Variants in CDH23 observed in about 807,000 individuals in gnomAD.
CDH23 encodes cadherin related 23, also known as cadherin-23.
CDH23 carries 189 observed loss-of-function variants against 317.1 expected under a neutral mutation model. That is an observed-to-expected ratio of 0.60 (90% CI 0.53 to 0.67). The LOEUF (loss-of-function observed/expected upper bound fraction) is 0.67. CDH23 is among the 30% of genes least tolerant of loss of function. The pLI is 0.00. For synonymous variants in CDH23, 1,839 were observed against 1,876.8 expected (o/e 0.98, Z 0.52); for missense variants, 4,401 against 4,592.4 (o/e 0.96, Z 1.20).
At chr10:71,746,170 G>A (rs572077314) in intron 38 of CDH23, among the ~76,000 whole-genome samples, 4 of 152,334 alleles carry the variant, frequency 2.6e-5, no homozygotes, top group South Asian at 2.1e-4. Flanking sequence ...CTGTGATGTG[G>A]TAGAGTGCTA....
At chr10:71,787,185 C>A (rs9416005) in intron 44 of CDH23, among the ~76,000 whole-genome samples, 1 of 151,910 alleles carries the variant, frequency 6.6e-6, no homozygotes, top group Non-Finnish European at 1.5e-5. Context: ...TTTGCCACAC[C>A]TCCGTGAAGG....
At chr10:71,796,365 G>C (rs957140324) in intron 48 of CDH23, among the ~76,000 whole-genome samples, 1 of 152,206 alleles carries the variant, frequency 6.6e-6, no homozygotes, top group Non-Finnish European at 1.5e-5. Context: ...GGGACTCTGG[G>C]AGGCAGTGGG....
chr10:71,605,904 C>T (rs1156403272), intron 9 of CDH23, among the ~76,000 whole-genome samples: 3 of 152,176 alleles, frequency 2.0e-5, no homozygotes, highest in Non-Finnish European at 4.4e-5. Context: ...AAAGGTTTTT[C>T]AGGAAATAGG....
chr10:71,423,418 A>G (rs1221756733), intron 1 of CDH23, among the ~76,000 whole-genome samples: 1 of 152,226 alleles, frequency 6.6e-6, no homozygotes, highest in Non-Finnish European at 1.5e-5. Context: ...GCTGGATTTG[A>G]AACCACTCCC....
intron 6 of CDH23, among the ~76,000 whole-genome samples, chr10:71,537,767 T>C (rs1589180205): frequency 6.6e-6 from 1 of 152,226 alleles, no homozygotes; most frequent in East Asian, 1.9e-4. Context: ...AGCCCTGAGT[T>C]TGGGCCCACG....
chr10:71,710,933 C>A (rs1241168428), intron 27 of CDH23, among the ~76,000 whole-genome samples: 1 of 152,208 alleles, frequency 6.6e-6, no homozygotes, highest in Admixed American at 6.5e-5. Flanking sequence ...CAGCAGGGAG[C>A]CCTTGAGGGC....
rs74147044 is a variant in CDH23 at position 71,728,203 on chromosome 10, A to G, written c.3580-2266A>G. 1.2e-3 allele frequency among the ~76,000 whole-genome samples: 170 copies of G among 142,574 alleles called. 1 individual carries two copies. The highest frequency in any genetic ancestry group is 4.2e-3 in the African/African-American group (165 of 39,602). 93.5% of individuals were successfully genotyped at this position (142,574 alleles called of 152,430 possible). A position where few individuals can be genotyped will look rare whatever the true frequency, so the allele number is the denominator to read the frequency against. On this transcript the variant is annotated intron_variant, in intron 30 of 69. Transcript: ENST00000224721. ...TCCATGCAAACTCCCCCCCGCACCC[A>G]CCCTACCCAGGATCTTCCCCAGCCA...
Position 71,805,898 on chromosome 10 carries a change from T to G in CDH23, c.7965T>G (p.Thr2655=). 6.2e-7 allele frequency: 1 copy of G among 1,613,718 alleles called. No homozygotes were observed. The change falls in exon 56 of 70, where the codon ACT becomes ACG. Residue 2655 remains threonine, a synonymous_variant. Coordinates refer to ENST00000224721, the MANE Select transcript of CDH23 (RefSeq NM_022124.6). ...NGAVRYSFLK[T]AGNRDWEFFI... is the part of the protein sequence containing the mutation. ...CGGTGCGCTACAGCTTCCTGAAGAC[T>G]GCGGGCAACCGGGACTGGGAGTTCT...
intron 8 of CDH23, among the ~76,000 whole-genome samples, chr10:71,573,048 A>G (rs1331711930): frequency 2.6e-5 from 4 of 152,210 alleles, no homozygotes; most frequent in African/African-American, 9.7e-5. Context: ...CCAGGTCCTC[A>G]CTGGGAAAGG....
intron 31 of CDH23, among the ~76,000 whole-genome samples, chr10:71,731,031 C>T (rs533359995): frequency 6.6e-6 from 1 of 152,378 alleles, no homozygotes; most frequent in South Asian, 2.1e-4. Flanking sequence ...ACCCCCTGAC[C>T]CTGTACAAGG....
intron 55 of CDH23, 101 bp downstream of exon 55, chr10:71,803,521 C>A: frequency 2.7e-6 from 3 of 1,112,772 alleles, no homozygotes; most frequent in Non-Finnish European, 3.8e-6. Context: ...GGAAACTTGG[C>A]TTCAGGAAAG....
chr10:71,790,217 G>A (rs1177423985), intron 45 of CDH23, 71 bp from the exon 46 acceptor site: 12 of 1,580,540 alleles, frequency 7.6e-6, no homozygotes, highest in Non-Finnish European at 1.0e-5. Context: ...GGCTCACCGG[G>A]ACAGGGCAGG....
intron 38 of CDH23, among the ~76,000 whole-genome samples, chr10:71,765,610 G>T (rs768546906): frequency 6.6e-6 from 1 of 152,182 alleles, no homozygotes; most frequent in Admixed American, 6.5e-5. Context: ...GGGAAGGGAT[G>T]TTCTCCCCTG....
At chr10:71,578,577 A>G (rs10823791) in intron 9 of CDH23, among the ~76,000 whole-genome samples, 1 of 151,834 alleles carries the variant, frequency 6.6e-6, no homozygotes, top group East Asian at 1.9e-4. Context: ...GTTCCGGGTG[A>G]TGGGATCCCT....
chr10:71,569,934 G>A (rs1005456775), intron 7 of CDH23, among the ~76,000 whole-genome samples: 1 of 151,958 alleles, frequency 6.6e-6, no homozygotes, highest in Admixed American at 6.6e-5. Context: ...ATGTTGTCCA[G>A]GCTGGAGTGC....
At chr10:71,800,583 A>C (rs1160722631) in intron 52 of CDH23, 53 bp from the exon 53 acceptor site, 13 of 1,584,634 alleles carry the variant, frequency 8.2e-6, no homozygotes, top group Non-Finnish European at 1.1e-5. Context: ...GTAGGTGCTC[A>C]ATAAATATCT....
chr10:71,696,557 G>A (rs961269182), intron 22 of CDH23, among the ~76,000 whole-genome samples: 11 of 152,224 alleles, frequency 7.2e-5, no homozygotes, highest in African/African-American at 2.7e-4. Context: ...GAAACCACCT[G>A]GCCCAGTCCT....
chr10:71,755,405 G>A (rs761721392), intron 38 of CDH23: 8 of 1,613,440 alleles, frequency 5.0e-6, no homozygotes, highest in Non-Finnish European at 5.9e-6. Flanking sequence ...GGAGCAGGAT[G>A]AGGGGGAGGC....
At chr10:71,411,639 T>C (rs192904735) in intron 1 of CDH23, among the ~76,000 whole-genome samples, 1 of 152,318 alleles carries the variant, frequency 6.6e-6, no homozygotes, top group African/African-American at 2.4e-5. Context: ...AGCATAATAT[T>C]GAATGGAAGT....
Sources: gnomAD v4.1 joint callset for allele counts (sites outside exome capture counted in the v4.1 genomes callset) on GRCh38, gnomAD v4.1.1 for gene constraint, MANE v1.5 for transcripts, NCBI Gene and HGNC (gene_info 2026-07-23, HGNC 2026-07-21) for gene names.